The following SLC28A3 variants were observed in gnomAD, a reference collection of about 807,000 sequenced individuals.
SLC28A3 encodes concentrative Na(+)-nucleoside cotransporter 3.
In SLC28A3, 68 loss-of-function variants were observed where a neutral mutation model predicts 84.2. The observed-to-expected ratio is 0.81, with a 90% CI of 0.66 to 0.99. SLC28A3 has a LOEUF of 0.99. SLC28A3 is among the 50% of genes least tolerant of loss of function. The pLI, the probability that SLC28A3 is intolerant of heterozygous loss-of-function variation, is 0.00. For synonymous variants in SLC28A3, 267 were observed against 303.6 expected (o/e 0.88, Z 1.25); for missense variants, 712 against 841.5 (o/e 0.85, Z 1.90).
At chr9:84,279,214 T>C in intron 17 of SLC28A3, 51 bp downstream of exon 17, 1 of 1,333,966 alleles carries the variant, frequency 7.5e-7, no homozygotes, top group Admixed American at 2.5e-5. Context: ...TAGGTGTGAT[T>C]TGATTGATTA....
At chr9:84,290,412 A>G in intron 10 of SLC28A3, 133 bp from the exon 11 acceptor site, 11 of 1,095,894 alleles carry the variant, frequency 1.0e-5, no homozygotes, top group Non-Finnish European at 1.4e-5. Context: ...CAGCTCCATC[A>G]GCGTCACCTG....
intron 5 of SLC28A3, among the ~76,000 whole-genome samples, 177 bp downstream of exon 5, chr9:84,302,023 A>G (rs916010742): frequency 6.6e-6 from 1 of 152,242 alleles, no homozygotes; most frequent in Non-Finnish European, 1.5e-5. Context: ...TCATTGCCTC[A>G]TCTAGGCTTT....
At chr9:84,341,709 G>A (rs1399536754), upstream of SLC28A3, among the ~76,000 whole-genome samples, 1 of 152,108 alleles carries the variant, frequency 6.6e-6, no homozygotes, top group African/African-American at 2.4e-5. Context: ...TATCAAAAGT[G>A]AATAGAAGTG....
At chr9:84,305,543 C>A (rs1032442146) in intron 3 of SLC28A3, among the ~76,000 whole-genome samples, 198 bp from the exon 4 acceptor site, 1 of 152,178 alleles carries the variant, frequency 6.6e-6, no homozygotes, top group African/African-American at 2.4e-5. Context: ...ATTCAGTGAT[C>A]ACCATCATTG....
chr9:84,310,959 G>T (rs9792596), intron 2 of SLC28A3, among the ~76,000 whole-genome samples: 34,762 of 152,008 alleles, frequency 0.23, 4,345 homozygotes, highest in East Asian at 0.53. Context: ...ACTATTGTTG[G>T]CTCTTATTTT....
At chr9:84,349,706 T>A in the SLC28A3 span, among the ~76,000 whole-genome samples, 3 of 152,160 alleles carry the variant, frequency 2.0e-5, no homozygotes, top group African/African-American at 7.2e-5. Flanking sequence ...GTAGGGTAAG[T>A]ATGTTACCAT....
At chr9:84,292,788 T>C in intron 9 of SLC28A3, 40 bp from the exon 10 acceptor site, 9 of 1,435,672 alleles carry the variant, frequency 6.3e-6, no homozygotes, top group Non-Finnish European at 8.4e-6. Flanking sequence ...AAGAACTTTT[T>C]GTATACCCAA....
At chr9:84,340,821 A>C, upstream of SLC28A3, 2 of 369,748 alleles carry the variant, frequency 5.4e-6, no homozygotes, top group Non-Finnish European at 5.2e-6. Flanking sequence ...TGGGGCAGAG[A>C]GGCGGGCGGG....
chr9:84,324,772 T>C (rs1163180723), intron 1 of SLC28A3, among the ~76,000 whole-genome samples: 1 of 152,176 alleles, frequency 6.6e-6, no homozygotes, highest in African/African-American at 2.4e-5. Flanking sequence ...GTTGTGCTGT[T>C]TGGAACCTTT....
chr9:84,284,035 C>G (rs935531439), intron 14 of SLC28A3, among the ~76,000 whole-genome samples: 1 of 152,230 alleles, frequency 6.6e-6, no homozygotes, highest in Non-Finnish European at 1.5e-5. Flanking sequence ...TAAACTCAAT[C>G]AGCTCTACTG....
intron 1 of SLC28A3, 145 bp downstream of exon 1, chr9:84,340,429 G>GA: frequency 1.2e-6 from 1 of 830,794 alleles, no homozygotes; most frequent in East Asian, 2.5e-5. Flanking sequence ...AGCCCAAGAA[G>GA]AAAAAATAAT....
chr9:84,340,679 CT>C lies in SLC28A3; in HGVS notation c.-47del. Reference sequence around the variant, plus strand: ...GCTCTGGTCTGGAGGTCCTTTGTACCTGGGAAAAAGCACCAGTCTCTGCTGA... The same window carrying C: ...GCTCTGGTCTGGAGGTCCTTTGTACCGGGAAAAAGCACCAGTCTCTGCTGA... On this transcript the variant is annotated 5_prime_UTR_variant, in exon 1 of 18. Transcript: ENST00000376238. 6.2e-7 allele frequency: 1 copy of C among 1,611,070 alleles called. No homozygotes were observed. Among genetic ancestry groups the C allele is most frequent in the Non-Finnish European group, 8.5e-7 (1 of 1,178,206 alleles).
At chr9:84,313,475 G>C in intron 1 of SLC28A3, 21 bp from the exon 2 acceptor site, 1 of 1,599,430 alleles carries the variant, frequency 6.3e-7, no homozygotes, top group Non-Finnish European at 8.5e-7. Flanking sequence ...AGTGCAGATT[G>C]AAAAAATAAA....
In SLC28A3 at chr9:84,293,871, C is replaced by T. The variant is rs143994825; in HGVS notation, c.942+324G>A. On this transcript the variant is annotated intron_variant, in intron 9 of 17. Coordinates refer to ENST00000376238, the MANE Select transcript of SLC28A3 (RefSeq NM_001199633.2). ...AAAAGAAAAAAAGATAAGCACAGGG[C>T]GGTTAACCAAGATGAAGGAATAACA... Among the ~76,000 whole-genome samples the T allele has an allele frequency of 3.2e-3, 493 of 152,222 alleles. 4 individuals carry two copies. The East Asian group carries it at 0.042, about 13-fold the overall frequency.
upstream of SLC28A3, among the ~76,000 whole-genome samples, chr9:84,342,342 G>A (rs1827180519): frequency 6.6e-6 from 1 of 151,790 alleles, no homozygotes; most frequent in African/African-American, 2.4e-5. Context: ...TAAGTATAGA[G>A]TTTATTTGGT....
At chr9:84,348,851 G>A in the SLC28A3 span, among the ~76,000 whole-genome samples, 3 of 152,084 alleles carry the variant, frequency 2.0e-5, no homozygotes, top group Admixed American at 6.5e-5. Context: ...CCTCTCCAGC[G>A]GCTAGTGCCA....
intron 13 of SLC28A3, 148 bp downstream of exon 13, chr9:84,285,795 G>T (rs1229269239): frequency 3.1e-5 from 30 of 976,574 alleles, no homozygotes; most frequent in Non-Finnish European, 4.2e-5. Flanking sequence ...CAGAGAAAAG[G>T]TGGGTGGGAA....
the SLC28A3 span, among the ~76,000 whole-genome samples, chr9:84,353,439 C>T: frequency 5.3e-4 from 81 of 152,226 alleles, no homozygotes; most frequent in Non-Finnish European, 1.0e-3. Context: ...GCTGGGCACA[C>T]TGGCTCACTT....
At chr9:84,314,701 T>A (rs1826106735) in intron 1 of SLC28A3, among the ~76,000 whole-genome samples, 1 of 152,258 alleles carries the variant, frequency 6.6e-6, no homozygotes, top group Non-Finnish European at 1.5e-5. Context: ...TAGCAGACAC[T>A]AACAATGTTT....
Sources: gnomAD v4.1 joint callset for allele counts (sites outside exome capture counted in the v4.1 genomes callset) on GRCh38, gnomAD v4.1.1 for gene constraint, MANE v1.5 for transcripts, NCBI Gene and HGNC (gene_info 2026-07-23, HGNC 2026-07-21) for gene names.